NTN1: variants seen among roughly 807,000 people sequenced by gnomAD.
NTN1 encodes netrin 1, also known as netrin-1.
NTN1 carries 11 observed loss-of-function variants against 54.2 expected under a neutral mutation model. The ratio of observed to expected loss-of-function variants is 0.20; its 90% CI spans 0.13 to 0.34. The LOEUF (loss-of-function observed/expected upper bound fraction) is 0.34. NTN1 is among the 10% of genes least tolerant of loss of function. The pLI is 1.00. For missense variants in NTN1, 740 were observed against 893.1 expected, an observed-to-expected ratio of 0.83 and a Z score of 2.18; for synonymous variants, 371 against 382.0, an observed-to-expected ratio of 0.97 and a Z score of 0.33.
intron 5 of NTN1, among the ~76,000 whole-genome samples, chr17:9,220,307 G>A (rs1002786301): frequency 6.6e-5 from 10 of 152,264 alleles, no homozygotes; most frequent in African/African-American, 1.9e-4. Flanking sequence ...AGTGCTGGGG[G>A]CAGGGCAGAC....
intron 2 of NTN1, among the ~76,000 whole-genome samples, chr17:9,151,659 G>C (rs968063673): frequency 3.9e-5 from 6 of 152,224 alleles, no homozygotes; most frequent in Non-Finnish European, 8.8e-5. Context: ...TTCTGAAAGA[G>C]AGACTTAAGA....
In NTN1 at chr17:9,165,258, A is replaced by C. The variant is rs574133222; in HGVS notation, c.1207+2257A>C. On this transcript the variant is annotated intron_variant, in intron 3 of 6. Coordinates refer to ENST00000173229, the MANE Select transcript of NTN1 (RefSeq NM_004822.3). The surrounding 1 kb of genome is among the most constrained non-coding windows in gnomAD (Gnocchi z 4.5). ...GGCAGGGCCCTGGTCACCTCCACCTACACCCTGTTGCTGTGGACAGGGACA... is the reference window on the plus strand; with the variant it reads ...GGCAGGGCCCTGGTCACCTCCACCTCCACCCTGTTGCTGTGGACAGGGACA... Among the ~76,000 whole-genome samples, 6 of 152,280 alleles carry C rather than the reference A, an allele frequency of 3.9e-5. No individual in the cohort carries two copies. In the South Asian group the frequency reaches 1.0e-3, roughly 26 times the overall value.
In NTN1 at chr17:9,211,738, C is replaced by G. The variant is rs76438848; in HGVS notation, c.1412-9430C>G. ...CCTTCACCAGTTTGCTAGGCAGAAG[C>G]GCTATATTCTTGTTGGTTTATGTTT... On this transcript the variant is annotated intron_variant, in intron 5 of 6. Coordinates refer to ENST00000173229, the MANE Select transcript of NTN1 (RefSeq NM_004822.3). The surrounding 1 kb of genome is among the most constrained non-coding windows in gnomAD (Gnocchi z 4.4). Among the ~76,000 whole-genome samples the G allele has an allele frequency of 5.3e-5, 8 of 152,072 alleles. No individual in the cohort carries two copies. The highest frequency in any genetic ancestry group is 1.9e-4 in the African/African-American group (8 of 41,398).
chr17:9,191,401 G>A (rs557358006), intron 5 of NTN1, among the ~76,000 whole-genome samples: 13 of 151,950 alleles, frequency 8.6e-5, no homozygotes, highest in Admixed American at 4.6e-4. Flanking sequence ...CGGAGGTTGC[G>A]GTGAGCCGAG....
intron 2 of NTN1, among the ~76,000 whole-genome samples, chr17:9,139,586 G>A (rs1597502771): frequency 6.6e-6 from 1 of 152,098 alleles, no homozygotes; most frequent in African/African-American, 2.4e-5. Flanking sequence ...GCCTCTCAGT[G>A]TTTACTGAGA....
chr17:9,146,564 G>A (rs1216058290), intron 2 of NTN1, among the ~76,000 whole-genome samples: 1 of 152,134 alleles, frequency 6.6e-6, no homozygotes, highest in Non-Finnish European at 1.5e-5. Flanking sequence ...GCCTTCTGCT[G>A]GTTAGCAGGG....
intron 1 of NTN1, among the ~76,000 whole-genome samples, chr17:9,022,081 G>C (rs918360551): frequency 6.6e-6 from 1 of 152,158 alleles, no homozygotes; most frequent in Non-Finnish European, 1.5e-5. Context: ...CGGCGGTGGC[G>C]GGGAAGCAGA....
chr17:9,097,651 C>A (rs938217614), intron 2 of NTN1, among the ~76,000 whole-genome samples: 1 of 151,598 alleles, frequency 6.6e-6, no homozygotes, highest in Admixed American at 6.6e-5. Flanking sequence ...AACAAAAAAA[C>A]CCCAAACAGA....
intron 5 of NTN1, among the ~76,000 whole-genome samples, chr17:9,196,917 G>A (rs62068228): frequency 0.12 from 18,797 of 152,156 alleles, 1,269 homozygotes; most frequent in African/African-American, 0.17. Flanking sequence ...ACTGGCTCAC[G>A]AGGGCCGACT....
At position 9,182,976 on chromosome 17, in the gene NTN1, G is replaced by C. The variant is rs2302197; in HGVS notation, c.1411+7G>C. Reference sequence around the variant, plus strand: ...AGCGTGGAGGAGCCTGAAGGTAAACGGCCCCCTTCGCTTCTCATTTCCCGC... The same window carrying C: ...AGCGTGGAGGAGCCTGAAGGTAAACCGCCCCCTTCGCTTCTCATTTCCCGC... On this transcript the variant is annotated splice_region_variant and intron_variant, in intron 5 of 6. Coordinates refer to ENST00000173229, the MANE Select transcript of NTN1 (RefSeq NM_004822.3). The C allele has an allele frequency of 0.38, 615,319 of 1,611,660 alleles. 121,178 individuals are homozygous for C. Among genetic ancestry groups the C allele is most frequent in the Middle Eastern group, 0.51 (3,082 of 6,056 alleles).
At chr17:9,026,991 C>G (rs916006436) in intron 2 of NTN1, among the ~76,000 whole-genome samples, 1 of 152,072 alleles carries the variant, frequency 6.6e-6, no homozygotes, top group Non-Finnish European at 1.5e-5. Context: ...CAACATAATG[C>G]TTGTGATTGT....
intron 2 of NTN1, among the ~76,000 whole-genome samples, chr17:9,059,828 CAAAAAAAA>C (rs34556932): frequency 1.4e-5 from 2 of 140,862 alleles, no homozygotes; most frequent in Admixed American, 7.1e-5. Context: ...ACCTCAATTA[CAAAAAAAA>C]AAAAAAAAAA....
intron 2 of NTN1, among the ~76,000 whole-genome samples, chr17:9,050,097 A>G (rs1393793362): frequency 6.6e-6 from 1 of 151,694 alleles, no homozygotes; most frequent in African/African-American, 2.4e-5. Context: ...ATACAAACAA[A>G]TTAGCCAGGT....
Position 9,212,367 on chromosome 17 carries a change from T to C in NTN1, c.1412-8801T>C, listed in dbSNP as rs1162177800. On this transcript the variant is annotated intron_variant, in intron 5 of 6. Coordinates refer to ENST00000173229, the MANE Select transcript of NTN1 (RefSeq NM_004822.3). The surrounding 1 kb of genome is among the most constrained non-coding windows in gnomAD (Gnocchi z 5.5). Reference sequence around the variant, plus strand: ...CATGCCTCGCGCATGATGGCCCTTATGAAACCCACGGATGCCTGCGGCACC... The same window carrying C: ...CATGCCTCGCGCATGATGGCCCTTACGAAACCCACGGATGCCTGCGGCACC... 6.6e-6 allele frequency among the ~76,000 whole-genome samples: 1 copy of C among 152,194 alleles called. No homozygotes were observed. The highest frequency in any genetic ancestry group is 1.5e-5 in the Non-Finnish European group (1 of 68,028).
At chr17:9,199,943 G>T (rs1904735638) in intron 5 of NTN1, among the ~76,000 whole-genome samples, 1 of 152,210 alleles carries the variant, frequency 6.6e-6, no homozygotes, top group Admixed American at 6.5e-5. Context: ...CCCAGTCTTA[G>T]CCCCAGGGTG....
Position 9,115,839 on chromosome 17 carries a change from C to T in NTN1, c.1019-46974C>T, listed in dbSNP as rs966633024. On this transcript the variant is annotated intron_variant, in intron 2 of 6. Transcript: ENST00000173229. ...GCGCGGTGGAGGAGGGCTGGCGAGG[C>T]GGCAGCAGCCGTGTACTCGCCGTCT... Among the ~76,000 whole-genome samples, 8 of 152,224 alleles carry T rather than the reference C, an allele frequency of 5.3e-5. No homozygotes were observed. In the East Asian group the frequency reaches 9.6e-4, roughly 18 times the overall value.
chr17:9,237,547 A>T (rs914287205), intron 6 of NTN1, among the ~76,000 whole-genome samples: 3 of 152,116 alleles, frequency 2.0e-5, no homozygotes, highest in Admixed American at 2.0e-4. Context: ...ATCAAAGCTG[A>T]GCTCTCCTGG....
chr17:9,239,700 A>C lies in NTN1; in HGVS notation c.1547A>C (p.Asn516Thr). 1 of 1,613,382 alleles carries C rather than the reference A, an allele frequency of 6.2e-7. No homozygotes were observed. The highest frequency in any genetic ancestry group is 8.5e-7 in the Non-Finnish European group (1 of 1,179,712). Residue 516 changes from asparagine (N) to threonine (T), a missense_variant, in exon 7 of 7, where the codon AAC becomes ACC. By Grantham distance (65) the Asn-to-Thr change is moderately conservative (BLOSUM62 0). Transcript: ENST00000173229. The surrounding 1 kb of genome is among the most constrained non-coding windows in gnomAD (Gnocchi z 5.2). ...GGGGACTGGTGGAAGTTCACGGTGA[A>C]CATCATCTCCGTGTATAAGCAGGGC... ...KAGDWWKFTV[N>T]IISVYKQGTS...
At chr17:9,110,277 T>TTTTTTC (rs2092185529) in intron 2 of NTN1, among the ~76,000 whole-genome samples, 1 of 150,666 alleles carries the variant, frequency 6.6e-6, no homozygotes, top group African/African-American at 2.4e-5. Flanking sequence ...GCCTCTTTTT[T>TTTTTTC]TTTTCTTTTT....
Sources: allele counts gnomAD v4.1 joint callset (sites outside exome capture counted in the v4.1 genomes callset), GRCh38; gene constraint gnomAD v4.1.1; non-coding constraint Gnocchi (gnomAD v3.1); transcripts MANE v1.5; gene names NCBI Gene and HGNC (gene_info 2026-07-23, HGNC 2026-07-21).